Variants in ABCA12 observed in about 807,000 individuals in gnomAD.
ABCA12 encodes the protein ATP binding cassette subfamily A member 12, also known as glucosylceramide transporter ABCA12.
Under a neutral mutation model 293.5 loss-of-function variants are expected in ABCA12, and 156 were observed. That is an observed-to-expected ratio of 0.53 (90% CI 0.47 to 0.61). ABCA12 has a LOEUF of 0.61. Ranked by LOEUF, ABCA12 falls within the 20% of genes least tolerant of loss-of-function variation. ABCA12 has a pLI of 0.00. For synonymous variants in ABCA12, 1,063 were observed against 1,108.0 expected, an observed-to-expected ratio of 0.96 and a Z score of 0.81; for missense variants, 2,797 against 3,090.2, an observed-to-expected ratio of 0.91 and a Z score of 2.25.
At chr2:215,052,753 A>G (rs988320797) in intron 4 of ABCA12, among the ~76,000 whole-genome samples, 169 bp from the exon 5 acceptor site, 1 of 152,122 alleles carries the variant, frequency 6.6e-6, no homozygotes, top group African/African-American at 2.4e-5. Context: ...GGCAAATTCC[A>G]TGAGTTTTTC....
intron 26 of ABCA12, among the ~76,000 whole-genome samples, chr2:214,988,869 ATT>A (rs955956496): frequency 6.6e-6 from 1 of 150,968 alleles, no homozygotes; most frequent in Admixed American, 6.6e-5. Flanking sequence ...GGCAAATAAG[ATT>A]TTTTTTTAAT....
chr2:215,011,884 T>C (rs1218680096), intron 16 of ABCA12, 87 bp downstream of exon 16: 1 of 1,357,522 alleles, frequency 7.4e-7, no homozygotes, highest in Non-Finnish European at 1.0e-6. Context: ...TTTTTCAATG[T>C]ACTACGATTG....
rs750541883 is a variant in ABCA12 at position 214,937,615 on chromosome 2, C to T, written c.7437G>A (p.Arg2479=). 2 of 1,612,958 alleles carry T rather than the reference C, an allele frequency of 1.2e-6. No homozygotes were observed. The highest frequency in any genetic ancestry group is 1.7e-6 in the Non-Finnish European group (2 of 1,179,146). The change falls in exon 51 of 53, where the codon AGG becomes AGA. Residue 2479 remains arginine (R), a splice_region_variant and synonymous_variant. Coordinates refer to ENST00000272895, the MANE Select transcript of ABCA12 (RefSeq NM_173076.3). Reference sequence around the variant, plus strand: ...CTTTGACAGTAAATCCTCGTCCAAACCTAGAAAGAAAAAGTGCAAAATATG... The same window carrying T: ...CTTTGACAGTAAATCCTCGTCCAAATCTAGAAAGAAAAAGTGCAAAATATG... ...CIGSLQHIKS[R]FGRGFTVKVH... is the part of the protein sequence containing the mutation.
At chr2:215,055,235 A>C (rs1265610078) in intron 3 of ABCA12, among the ~76,000 whole-genome samples, 17 of 152,094 alleles carry the variant, frequency 1.1e-4, no homozygotes, top group Admixed American at 1.1e-3. Context: ...ACATTAAAAT[A>C]AATTTTCCAT....
chr2:214,992,525 T>TGC (rs1559135380), intron 23 of ABCA12, among the ~76,000 whole-genome samples: 106 of 94,970 alleles, frequency 1.1e-3, no homozygotes, highest in African/African-American at 6.0e-3. Context: ...CCCCCCCCTT[T>TGC]TTTTTTTTTT....
chr2:215,003,809 A>G (rs1700194711), intron 20 of ABCA12, among the ~76,000 whole-genome samples: 1 of 152,028 alleles, frequency 6.6e-6, no homozygotes, highest in Non-Finnish European at 1.5e-5. Flanking sequence ...CTGGGATTAC[A>G]GGCGTGCACC....
At chr2:215,041,992 G>A (rs1379869308) in intron 7 of ABCA12, among the ~76,000 whole-genome samples, 2 of 152,126 alleles carry the variant, frequency 1.3e-5, no homozygotes, top group African/African-American at 4.8e-5. Flanking sequence ...TAGAATCAAA[G>A]AGTCAAGTGA....
intron 21 of ABCA12, 131 bp downstream of exon 21, chr2:215,001,427 T>G: frequency 8.9e-7 from 1 of 1,119,460 alleles, no homozygotes; most frequent in Non-Finnish European, 1.3e-6. Context: ...AAAGGTTCTC[T>G]TTTCTAAGGA....
At chr2:215,044,854 G>T (rs1214695976) in intron 7 of ABCA12, among the ~76,000 whole-genome samples, 3 of 152,070 alleles carry the variant, frequency 2.0e-5, no homozygotes, top group Non-Finnish European at 2.9e-5. Context: ...GCTCTTAAAA[G>T]CATTCCAAAA....
chr2:215,052,668 T>C, intron 4 of ABCA12, 84 bp from the exon 5 acceptor site: 1 of 1,154,084 alleles, frequency 8.7e-7, no homozygotes, highest in South Asian at 1.2e-5. Context: ...TAAACATCAC[T>C]TGTGACCTCA....
At position 214,980,548 on chromosome 2, in the gene ABCA12, C is replaced by T; in HGVS notation, c.4675G>A (p.Gly1559Arg). Residue 1559 changes from glycine to arginine, a missense_variant, in exon 31 of 53, where the codon GGG becomes AGG. This residue lies in a region of ABCA12 where 2,130 missense variants were observed against 2,427.0 expected (regional missense o/e 0.88). Coordinates refer to ENST00000272895, the MANE Select transcript of ABCA12 (RefSeq NM_173076.3). ...GCTTCCTTGAGGTAAAATGGGGACC[C>T]ACAGCACCTAAGCCCACCCTGCTCC... ...FLEQGGLRCCGSPFYLKEAFG... is the reference protein window; with the variant it reads ...FLEQGGLRCCRSPFYLKEAFG... The T allele has an allele frequency of 1.2e-6, 2 of 1,614,002 alleles. No individual in the cohort carries two copies. The highest frequency in any genetic ancestry group is 1.7e-6 in the Non-Finnish European group (2 of 1,180,000).
chr2:215,015,506 T>C lies in ABCA12; in HGVS notation c.1940A>G (p.Tyr647Cys). The C allele has an allele frequency of 6.2e-7, 1 of 1,614,100 alleles. No individual in the cohort carries two copies. The highest frequency in any genetic ancestry group is 8.5e-7 in the Non-Finnish European group (1 of 1,179,974). The change falls in exon 15 of 53, where the codon TAC (tyrosine) becomes TGC (cysteine). Residue 647 changes from tyrosine (Y) to cysteine (C), a missense_variant. By Grantham distance (194) the Tyr-to-Cys change is radical (BLOSUM62 -2). Around this residue, in one of 3 missense-constraint regions of ABCA12, gnomAD observed 2,130 missense variants for 2,427.0 expected, o/e 0.88. Coordinates refer to ENST00000272895, the MANE Select transcript of ABCA12 (RefSeq NM_173076.3). ...GCAACTTGCCTTGTATGTGAAGTTG[T>C]AAATGTTTAAGTAGTGCAGAAGGGT... is the stretch of plus-strand genomic sequence containing the variant. The part of the protein sequence containing the change: ...GLTLLHYLNI[Y>C]NFTYKVFFPR...
intron 31 of ABCA12, among the ~76,000 whole-genome samples, chr2:214,980,205 G>C (rs1393313072): frequency 1.3e-5 from 2 of 152,084 alleles, no homozygotes; most frequent in Non-Finnish European, 1.5e-5. Flanking sequence ...GCAGTCCTCA[G>C]ACCAGCAACA....
intron 2 of ABCA12, among the ~76,000 whole-genome samples, chr2:215,089,843 T>G (rs1173678878): frequency 9.9e-5 from 15 of 152,218 alleles, no homozygotes; most frequent in Admixed American, 9.8e-4. Context: ...AAGCATGAAC[T>G]GCAACAAACA....
intron 44 of ABCA12, among the ~76,000 whole-genome samples, chr2:214,953,446 A>C (rs1698842213): frequency 6.6e-6 from 1 of 151,974 alleles, no homozygotes; most frequent in African/African-American, 2.4e-5. Context: ...CTTTTTCTTA[A>C]TCTTCTTTTC....
At chr2:215,057,690 T>C (rs1443963362) in intron 3 of ABCA12, among the ~76,000 whole-genome samples, 1 of 152,078 alleles carries the variant, frequency 6.6e-6, no homozygotes, top group Admixed American at 6.6e-5. Flanking sequence ...TACAGTGTAT[T>C]ATGTTGGCAG....
At position 214,932,439 on chromosome 2, in the gene ABCA12, T is replaced by G; in HGVS notation, c.*195A>C. 1 of 589,236 alleles carries G rather than the reference T, an allele frequency of 1.7e-6. No individual in the cohort carries two copies. The highest frequency in any genetic ancestry group is 2.0e-5 in the South Asian group (1 of 50,806). The allele number at this position is 589,236 out of a possible 1,614,324, so 36.5% of individuals were successfully genotyped here. On this transcript the variant is annotated 3_prime_UTR_variant, in exon 53 of 53. Transcript: ENST00000272895. ...TTGAGTATACAGGAATTCATTTCAG[T>G]AGCAACAACACTCACTGACCTTAGA...
intron 1 of ABCA12, among the ~76,000 whole-genome samples, chr2:215,124,039 G>A (rs1702867104): frequency 6.6e-6 from 1 of 152,120 alleles, no homozygotes; most frequent in South Asian, 2.1e-4. Context: ...TCATTCCTGA[G>A]TTACTTCACT....
At position 214,949,067 on chromosome 2, in the gene ABCA12, C is replaced by G. The variant is rs777977300; in HGVS notation, c.6935G>C (p.Gly2312Ala). 6.2e-7 allele frequency: 1 copy of G among 1,613,498 alleles called. No individual in the cohort carries two copies. The highest frequency in any genetic ancestry group is 1.3e-5 in the African/African-American group (1 of 74,806). ...GGTCTTATTTCTGATCAGAATGTTT[C>G]CACTTGAAGGAATGATGTCTCCTGT... ...MLTGDIIPSS[G>A]NILIRNKTGS... is the part of the protein sequence containing the mutation. The change falls in exon 46 of 53, where the codon GGA becomes GCA. Residue 2312 changes from glycine to alanine, a missense_variant. Coordinates refer to ENST00000272895, the MANE Select transcript of ABCA12 (RefSeq NM_173076.3).
Sources: gnomAD v4.1 joint callset for allele counts (sites outside exome capture counted in the v4.1 genomes callset) on GRCh38, gnomAD v4.1.1 for gene constraint, gnomAD v4.1.1 regional missense constraint, MANE v1.5 for transcripts, NCBI Gene and HGNC (gene_info 2026-07-23, HGNC 2026-07-21) for gene names.